The following GALNT15 variants were observed in gnomAD, a reference collection of about 807,000 sequenced individuals.
GALNT15 encodes polypeptide N-acetylgalactosaminyltransferase 15, also known as UDP-GalNAc transferase T15.
In GALNT15, 67 loss-of-function variants were observed where a neutral mutation model predicts 66.8. The ratio of observed to expected loss-of-function variants is 1.00; its 90% CI spans 0.82 to 1.23. The LOEUF (loss-of-function observed/expected upper bound fraction) is 1.23, where lower values mean the gene tolerates loss of function less well. GALNT15 is among the 50% of genes most tolerant of loss of function. The pLI is 0.00. For missense variants in GALNT15, 827 were observed against 804.3 expected (o/e 1.03, Z -0.34); for synonymous variants, 313 against 311.5 (o/e 1.00, Z -0.05).
downstream of GALNT15, among the ~76,000 whole-genome samples, chr3:16,234,923 CTT>C (rs1203363973): frequency 5.1e-4 from 67 of 131,068 alleles, no homozygotes; most frequent in East Asian, 8.7e-4. Flanking sequence ...TTATCCCAAT[CTT>C]TTTTTTTTTT....
the GALNT15 span, among the ~76,000 whole-genome samples, chr3:16,241,877 A>G: frequency 1.3e-5 from 2 of 152,156 alleles, no homozygotes; most frequent in East Asian, 1.9e-4. This position sits in a 1 kb window ranked among gnomAD's most constrained non-coding sequence, Gnocchi z 4.6. Flanking sequence ...CTCATGATCA[A>G]CTAGGCAAGT....
At chr3:16,239,521 C>T in the GALNT15 span, among the ~76,000 whole-genome samples, 18 of 152,248 alleles carry the variant, frequency 1.2e-4, no homozygotes, top group Admixed American at 9.8e-4. This position sits in a 1 kb window ranked among gnomAD's most constrained non-coding sequence, Gnocchi z 5.2. Context: ...CAAGTAGGAA[C>T]CTTCAATGCC....
the GALNT15 span, among the ~76,000 whole-genome samples, chr3:16,243,439 G>A: frequency 6.6e-6 from 1 of 152,252 alleles, no homozygotes; most frequent in Non-Finnish European, 1.5e-5. Flanking sequence ...GATGCAGTGG[G>A]CGCCCAGGGA....
chr3:16,233,983 T>C (rs1356789652), downstream of GALNT15, among the ~76,000 whole-genome samples: 1 of 152,126 alleles, frequency 6.6e-6, no homozygotes, highest in Non-Finnish European at 1.5e-5. Context: ...CCCTATACAG[T>C]GGATTTTCAT....
In GALNT15 at chr3:16,175,693, A is replaced by C; in HGVS notation, c.539+3A>C. The C allele has an allele frequency of 6.4e-7, 1 of 1,562,768 alleles. No individual in the cohort carries two copies. The highest frequency in any genetic ancestry group is 8.7e-7 in the Non-Finnish European group (1 of 1,154,708). On this transcript the variant is annotated splice_donor_region_variant and intron_variant, in intron 1 of 9. Transcript: ENST00000339732. The surrounding 1 kb of genome is among the most constrained non-coding windows in gnomAD (Gnocchi z 5.6). The stretch of plus-strand genomic sequence containing the variant: ...CTGCCCGAGGTGCGGCACCCACTGT[A>C]AGTAAGGCCCTTGTTTTCCCTTCCC...
chr3:16,193,147 G>T lies in GALNT15; in HGVS notation c.540-2613G>T, dbSNP rs1160236942. 6.6e-6 allele frequency among the ~76,000 whole-genome samples: 1 copy of T among 152,168 alleles called. No individual in the cohort carries two copies. Among genetic ancestry groups the T allele is most frequent in the African/African-American group, 2.4e-5 (1 of 41,456 alleles). ...TGGGAATTGAAAGAAAAAATTACTA[G>T]AAAGAGTGTTGCTTTCCCCAAAAAC... On this transcript the variant is annotated intron_variant, in intron 1 of 9. Coordinates refer to ENST00000339732, the MANE Select transcript of GALNT15 (RefSeq NM_054110.5). This position sits in a 1 kb window ranked among gnomAD's most constrained non-coding sequence, Gnocchi z 4.7.
chr3:16,231,809 A>G, downstream of GALNT15: 1 of 1,536,194 alleles, frequency 6.5e-7, no homozygotes, highest in East Asian at 2.4e-5. This position sits in a 1 kb window ranked among gnomAD's most constrained non-coding sequence, Gnocchi z 4.1. Flanking sequence ...AACAGGGCCA[A>G]CTCTGCTGCT....
rs934043394 is a variant in GALNT15 at position 16,220,146 on chromosome 3, G to C, written c.1629+132G>C. 5.6e-6 allele frequency: 4 copies of C among 711,166 alleles called. No individual in the cohort carries two copies. In the East Asian group the frequency reaches 1.0e-4, roughly 19 times the overall value. 44.1% of individuals were successfully genotyped at this position (711,166 alleles called of 1,614,324 possible). ...TGGTCCCATGTCCCTTGACTGCCAT[G>C]GTCCCCCACTGTAATGACTCATCAC... On this transcript the variant is annotated intron_variant, in intron 8 of 9. Transcript: ENST00000339732.
chr3:16,187,369 A>G lies in GALNT15; in HGVS notation c.540-8391A>G, dbSNP rs1472448489. ...TCTTCTGCTGATCTCCCCTGGGTTC[A>G]CCCCTGTGGCTGCCATCAGAGGGCG... On this transcript the variant is annotated intron_variant, in intron 1 of 9. Coordinates refer to ENST00000339732, the MANE Select transcript of GALNT15 (RefSeq NM_054110.5). This position sits in a 1 kb window ranked among gnomAD's most constrained non-coding sequence, Gnocchi z 5.1. Among the ~76,000 whole-genome samples the G allele has an allele frequency of 1.3e-5, 2 of 152,184 alleles. No individual in the cohort carries two copies. The highest frequency in any genetic ancestry group is 4.8e-5 in the African/African-American group (2 of 41,442).
rs2063499928 is a variant in GALNT15 at position 16,184,553 on chromosome 3, T to C, written c.539+8863T>C. Among the ~76,000 whole-genome samples the C allele has an allele frequency of 6.6e-6, 1 of 152,196 alleles. No homozygotes were observed. Among genetic ancestry groups the C allele is most frequent in the Non-Finnish European group, 1.5e-5 (1 of 68,026 alleles). ...TTCAGGTCTTGGCTTTGATTTCACG[T>C]CCCTACATCCAGAACGTCTCACTAC... is the stretch of plus-strand genomic sequence containing the variant. On this transcript the variant is annotated intron_variant, in intron 1 of 9. Coordinates refer to ENST00000339732, the MANE Select transcript of GALNT15 (RefSeq NM_054110.5). This position sits in a 1 kb window ranked among gnomAD's most constrained non-coding sequence, Gnocchi z 5.0.
At chr3:16,213,922 C>G (rs529314742) in intron 6 of GALNT15, among the ~76,000 whole-genome samples, 1 of 152,232 alleles carries the variant, frequency 6.6e-6, no homozygotes, top group African/African-American at 2.4e-5. Context: ...GGAATAGCCT[C>G]CAGGGCCTGG....
At chr3:16,208,304 A>G (rs551711155) in intron 3 of GALNT15, among the ~76,000 whole-genome samples, 199 bp from the exon 4 acceptor site, 1 of 152,262 alleles carries the variant, frequency 6.6e-6, no homozygotes, top group African/African-American at 2.4e-5. Flanking sequence ...AATTATTAAG[A>G]TTTTTGCATC....
intron 6 of GALNT15, among the ~76,000 whole-genome samples, chr3:16,216,624 A>G (rs1364836188): frequency 1.3e-5 from 2 of 152,200 alleles, no homozygotes; most frequent in African/African-American, 4.8e-5. Flanking sequence ...GGTCTTATAC[A>G]TTGGCATGCT....
intron 6 of GALNT15, among the ~76,000 whole-genome samples, chr3:16,218,853 C>T (rs1483917493): frequency 2.3e-5 from 3 of 133,236 alleles, no homozygotes; most frequent in East Asian, 2.2e-4. Context: ...CTTGCTCTGT[C>T]GCCCAGGCTG....
In GALNT15 at chr3:16,225,234, G is replaced by A. The variant is rs1254870749; in HGVS notation, c.1774-2120G>A. On this transcript the variant is annotated intron_variant, in intron 9 of 9. Transcript: ENST00000339732. The surrounding 1 kb of genome is among the most constrained non-coding windows in gnomAD (Gnocchi z 4.4). Reference sequence around the variant, plus strand: ...GACAGCACGAAGCCATGAGGGATCTGTCCCCATGATCCAAACATCCCCCAC... The same window carrying A: ...GACAGCACGAAGCCATGAGGGATCTATCCCCATGATCCAAACATCCCCCAC... Among the ~76,000 whole-genome samples the A allele has an allele frequency of 6.6e-6, 1 of 152,116 alleles. No individual in the cohort carries two copies. The highest frequency in any genetic ancestry group is 2.4e-5 in the African/African-American group (1 of 41,418).
chr3:16,232,504 A>C (rs867197723), downstream of GALNT15, among the ~76,000 whole-genome samples: 2 of 88,298 alleles, frequency 2.3e-5, no homozygotes, highest in African/African-American at 1.0e-4. Flanking sequence ...ATATATATAT[A>C]TATATATTTA....
In GALNT15 at chr3:16,184,374, G is replaced by T. The variant is rs1047219272; in HGVS notation, c.539+8684G>T. Among the ~76,000 whole-genome samples the T allele has an allele frequency of 6.6e-6, 1 of 152,166 alleles. No individual in the cohort carries two copies. Reference sequence around the variant, plus strand: ...GCCTTTGCCATGCTCTGCCTCATTGGTTGGCTCAGCAATGCTATGAATGTC... The same window carrying T: ...GCCTTTGCCATGCTCTGCCTCATTGTTTGGCTCAGCAATGCTATGAATGTC... On this transcript the variant is annotated intron_variant, in intron 1 of 9. Coordinates refer to ENST00000339732, the MANE Select transcript of GALNT15 (RefSeq NM_054110.5). The surrounding 1 kb of genome is among the most constrained non-coding windows in gnomAD (Gnocchi z 5.0).
chr3:16,247,436 CT>C, the GALNT15 span, among the ~76,000 whole-genome samples: 1 of 152,240 alleles, frequency 6.6e-6, no homozygotes, highest in East Asian at 1.9e-4. Context: ...ATCATGATGC[CT>C]TTGCCGTCTG....
Position 16,175,293 on chromosome 3 carries a change from G to A in GALNT15, c.142G>A (p.Ala48Thr). Reference sequence around the variant, plus strand: ...CCTGCACCAGACTGTCACAGCCCAAGCCAGCAAGCACAGCCCTGAAGCCAG... The same window carrying A: ...CCTGCACCAGACTGTCACAGCCCAAACCAGCAAGCACAGCCCTGAAGCCAG... ...HTLHQTVTAQ[A>T]SKHSPEARYR... Residue 48 changes from alanine (A) to threonine (T), a missense_variant, in exon 1 of 10, where the codon GCC becomes ACC. Coordinates refer to ENST00000339732, the MANE Select transcript of GALNT15 (RefSeq NM_054110.5). The surrounding 1 kb of genome is among the most constrained non-coding windows in gnomAD (Gnocchi z 5.6). 6.2e-7 allele frequency: 1 copy of A among 1,614,174 alleles called. No individual in the cohort carries two copies. Among genetic ancestry groups the A allele is most frequent in the Non-Finnish European group, 8.5e-7 (1 of 1,180,028 alleles).
Sources: allele counts gnomAD v4.1 joint callset (sites outside exome capture counted in the v4.1 genomes callset), GRCh38; gene constraint gnomAD v4.1.1; non-coding constraint Gnocchi (gnomAD v3.1); transcripts MANE v1.5; gene names NCBI Gene and HGNC (gene_info 2026-07-23, HGNC 2026-07-21).